Variants in MOB1B observed in about 807,000 individuals in gnomAD.
The protein encoded by MOB1B is MOB kinase activator 1B.
MOB1B carries 19 observed loss-of-function variants against 24.4 expected under a neutral mutation model. The observed-to-expected ratio is 0.78, with a 90% CI of 0.54 to 1.14. The LOEUF (loss-of-function observed/expected upper bound fraction) is 1.14. Ranked by LOEUF, MOB1B falls within the 50% of genes most tolerant of loss-of-function variation. The pLI is 0.00. For missense variants in MOB1B, 243 were observed against 259.6 expected (o/e 0.94, Z 0.44); for synonymous variants, 76 against 82.1 (o/e 0.93, Z 0.40).
intron 1 of MOB1B, among the ~76,000 whole-genome samples, chr4:70,958,243 C>T (rs1278879471): frequency 1.3e-5 from 2 of 151,626 alleles, no homozygotes; most frequent in Admixed American, 6.6e-5. Context: ...TGGGTCACCA[C>T]AACCTCTGCC....
rs569680208 is a variant in MOB1B at position 70,974,612 on chromosome 4, A to G, written c.276-541A>G. 4.6e-5 allele frequency among the ~76,000 whole-genome samples: 7 copies of G among 152,232 alleles called. No homozygotes were observed. In the South Asian group the frequency reaches 1.2e-3, roughly 27 times the overall value. ...ACCAAAAGCCTTTATTTGGGTTGCA[A>G]ATTTTCTTTGGACCTTCTTTAAAGA... On this transcript the variant is annotated intron_variant, in intron 3 of 5. Coordinates refer to ENST00000309395, the MANE Select transcript of MOB1B (RefSeq NM_173468.4).
rs115043837 is a variant in MOB1B at position 70,958,013 on chromosome 4, C to T, written c.15-861C>T. ...ACACATAGGCTGTGTGTGTTTGTGT[C>T]TGTGTCTCTGTGTGTGCTTAAGCAT... On this transcript the variant is annotated intron_variant, in intron 1 of 5. Transcript: ENST00000309395. 3.5e-3 allele frequency among the ~76,000 whole-genome samples: 531 copies of T among 152,072 alleles called. 1 individual carries two copies. The highest frequency in any genetic ancestry group is 0.01 in the Middle Eastern group (3 of 292).
chr4:70,952,059 A>G (rs1331025763), intron 1 of MOB1B, among the ~76,000 whole-genome samples: 2 of 152,198 alleles, frequency 1.3e-5, no homozygotes, highest in African/African-American at 2.4e-5. Flanking sequence ...TATAAAATTT[A>G]AAAATGTAAC....
rs71211981 is a variant in MOB1B at position 70,930,965 on chromosome 4, C to CTT, written c.15-27889_15-27888dup. Among the ~76,000 whole-genome samples the CTT allele has an allele frequency of 9.7e-4, 111 of 114,278 alleles. 1 individual carries two copies. The highest frequency in any genetic ancestry group is 3.1e-3 in the African/African-American group (95 of 30,408). The allele number at this position is 114,278 out of a possible 152,430, so 75.0% of individuals were successfully genotyped here. A position where few individuals can be genotyped will look rare whatever the true frequency, so the allele number is the denominator to read the frequency against. On this transcript the variant is annotated intron_variant, in intron 1 of 5. Transcript: ENST00000309395. ...TTAAACATTTTTAATTGTACCTTTCCTTTTTTTTTTTTTTTTTTTTTAACA... is the reference window on the plus strand; with the variant it reads ...TTAAACATTTTTAATTGTACCTTTCCTTTTTTTTTTTTTTTTTTTTTTTAACA...
intron 1 of MOB1B, among the ~76,000 whole-genome samples, chr4:70,936,735 G>A (rs1737102705): frequency 2.6e-5 from 4 of 152,090 alleles, no homozygotes; most frequent in African/African-American, 9.7e-5. Flanking sequence ...AACTCTAGAA[G>A]CAGTAAGAGG....
intron 1 of MOB1B, among the ~76,000 whole-genome samples, chr4:70,947,092 G>A (rs1737615549): frequency 6.6e-6 from 1 of 152,108 alleles, no homozygotes; most frequent in African/African-American, 2.4e-5. Flanking sequence ...TTCTTAGCCA[G>A]TAAGTTAGAA....
At chr4:70,942,838 T>A in intron 1 of MOB1B, 1 of 904,282 alleles carries the variant, frequency 1.1e-6, no homozygotes, top group Non-Finnish European at 1.3e-6. Context: ...AGGTTCATAT[T>A]GTCGGATTAT....
At chr4:70,975,561 G>T in intron 4 of MOB1B, 3 of 1,062,580 alleles carry the variant, frequency 2.8e-6, no homozygotes, top group East Asian at 6.2e-5. Context: ...GAAAATAAAT[G>T]ATCTCCCTCT....
In MOB1B at chr4:70,958,952, C is replaced by A; in HGVS notation, c.93C>A (p.His31Gln). The change falls in exon 2 of 6, where the codon CAC becomes CAA. Residue 31 changes from histidine to glutamine, a missense_variant. His to Gln is a conservative substitution (Grantham distance 24). Coordinates refer to ENST00000309395, the MANE Select transcript of MOB1B (RefSeq NM_173468.4). ...EGSHQYELLK[H>Q]AEATLGSGNL... Reference sequence around the variant, plus strand: ...CTCACCAGTATGAGCTCTTAAAACACGCAGAAGCCACACTTGGCAGTGGCA... The same window carrying A: ...CTCACCAGTATGAGCTCTTAAAACAAGCAGAAGCCACACTTGGCAGTGGCA... 1.9e-6 allele frequency: 3 copies of A among 1,613,960 alleles called. No individual in the cohort carries two copies. Among genetic ancestry groups the A allele is most frequent in the Non-Finnish European group, 2.5e-6 (3 of 1,179,966 alleles).
intron 1 of MOB1B, among the ~76,000 whole-genome samples, chr4:70,923,906 C>T (rs1736542162): frequency 7.2e-6 from 1 of 138,432 alleles, no homozygotes; most frequent in South Asian, 2.2e-4. Context: ...GAGATCGCAC[C>T]ACTGCACTCC....
chr4:70,951,518 A>G (rs1036184948), intron 1 of MOB1B, among the ~76,000 whole-genome samples: 1 of 152,226 alleles, frequency 6.6e-6, no homozygotes, highest in African/African-American at 2.4e-5. Context: ...AATATCGTGG[A>G]TGTTTATTTG....
intron 3 of MOB1B, among the ~76,000 whole-genome samples, chr4:70,972,420 G>T (rs1203147451): frequency 6.6e-6 from 1 of 151,862 alleles, no homozygotes; most frequent in Non-Finnish European, 1.5e-5. Flanking sequence ...CATCATGTTG[G>T]CCAGACTGGT....
At chr4:70,970,120 C>T (rs1477311438) in intron 3 of MOB1B, 96 bp downstream of exon 3, 11 of 692,588 alleles carry the variant, frequency 1.6e-5, no homozygotes, top group Admixed American at 5.6e-5. Flanking sequence ...TTCTACTTAT[C>T]GTCTCTTTCT....
chr4:70,965,382 T>C (rs1460640145), intron 2 of MOB1B, among the ~76,000 whole-genome samples: 1 of 149,294 alleles, frequency 6.7e-6, no homozygotes, highest in African/African-American at 2.4e-5. Context: ...GAAAAAAATA[T>C]TTTAATATTT....
At chr4:70,960,342 C>G (rs112288645) in intron 2 of MOB1B, among the ~76,000 whole-genome samples, 1,968 of 151,754 alleles carry the variant, frequency 0.013, 38 homozygotes, top group African/African-American at 0.045. Context: ...AAAGCTTCAG[C>G]GTTTTTCAAC....
In MOB1B at chr4:70,929,854, C is replaced by A. The variant is rs571353658; in HGVS notation, c.14+27304C>A. ...TAGAGACGGGGTTTCGCCGTGGTCT[C>A]GATCTCCTGACCTTGTGATCCGCCC... On this transcript the variant is annotated intron_variant, in intron 1 of 5. Transcript: ENST00000309395. Among the ~76,000 whole-genome samples the A allele has an allele frequency of 8.5e-4, 129 of 152,108 alleles. 1 individual carries two copies. In the South Asian group the frequency reaches 0.012, roughly 14 times the overall value.
intron 1 of MOB1B, among the ~76,000 whole-genome samples, chr4:70,903,597 T>C (rs578099367): frequency 4.2e-4 from 64 of 152,338 alleles, no homozygotes; most frequent in African/African-American, 1.5e-3. Context: ...ATATACTGTT[T>C]TACTGTTGTG....
chr4:70,910,119 C>T (rs1328732055), intron 1 of MOB1B, among the ~76,000 whole-genome samples: 2 of 151,942 alleles, frequency 1.3e-5, no homozygotes, highest in African/African-American at 4.8e-5. Flanking sequence ...TGGCTCACTG[C>T]AAACTCTGCC....
intron 1 of MOB1B, among the ~76,000 whole-genome samples, chr4:70,931,978 C>A (rs2148879583): frequency 6.6e-6 from 1 of 152,260 alleles, no homozygotes; most frequent in African/African-American, 2.4e-5. Flanking sequence ...AATCCTCCCA[C>A]TTCGGCCTTC....
Sources: gnomAD v4.1 joint callset for allele counts (sites outside exome capture counted in the v4.1 genomes callset) on GRCh38, gnomAD v4.1.1 for gene constraint, MANE v1.5 for transcripts, NCBI Gene and HGNC (gene_info 2026-07-23, HGNC 2026-07-21) for gene names.